The following TRPM3 variants were observed in gnomAD, a reference collection of about 807,000 sequenced individuals.
TRPM3 encodes transient receptor potential cation channel subfamily M member 3.
A neutral mutation model predicts 181.2 loss-of-function variants in TRPM3; 77 were observed. The observed-to-expected ratio is 0.42, with a 90% CI of 0.35 to 0.51. The LOEUF is 0.51. Ranked by LOEUF, TRPM3 falls within the 20% of genes least tolerant of loss-of-function variation. The pLI, the probability that TRPM3 is intolerant of heterozygous loss-of-function variation, is 0.01. For missense variants in TRPM3, 1,759 were observed against 2,196.7 expected (o/e 0.80, Z 3.98); for synonymous variants, 745 against 796.4 (o/e 0.94, Z 1.09).
At chr9:70,696,353 G>A (rs762251121) in intron 8 of TRPM3, among the ~76,000 whole-genome samples, 5 of 152,244 alleles carry the variant, frequency 3.3e-5, no homozygotes, top group South Asian at 4.1e-4. Context: ...TTTCCCATCC[G>A]GAGACCGATC....
chr9:71,198,538 T>C (rs1287148893), intron 1 of TRPM3, among the ~76,000 whole-genome samples: 4 of 152,132 alleles, frequency 2.6e-5, no homozygotes, highest in African/African-American at 9.7e-5. Context: ...TGTATCCTCT[T>C]TTATTTCATT....
intron 1 of TRPM3, among the ~76,000 whole-genome samples, chr9:71,287,934 G>C (rs1041952178): frequency 3.3e-5 from 5 of 151,946 alleles, no homozygotes; most frequent in African/African-American, 1.2e-4. Context: ...GATATTTACA[G>C]GTATTACAAA....
At chr9:70,818,196 A>G (rs1276886999) in intron 6 of TRPM3, among the ~76,000 whole-genome samples, 1 of 152,232 alleles carries the variant, frequency 6.6e-6, no homozygotes, top group Non-Finnish European at 1.5e-5. Flanking sequence ...GTCCAGGGAA[A>G]TGAAAGACAT....
intron 1 of TRPM3, among the ~76,000 whole-genome samples, chr9:71,362,828 T>C (rs936428145): frequency 2.0e-5 from 3 of 152,204 alleles, no homozygotes; most frequent in African/African-American, 7.2e-5. Context: ...AATGATTGCA[T>C]GTAATTTAGT....
chr9:71,277,383 T>C (rs775896837), intron 1 of TRPM3, among the ~76,000 whole-genome samples: 1 of 152,252 alleles, frequency 6.6e-6, no homozygotes, highest in Non-Finnish European at 1.5e-5. Flanking sequence ...TTGTTTACTG[T>C]GTTTTTCCCT....
chr9:70,640,494 G>A, intron 10 of TRPM3, 66 bp downstream of exon 10: 1 of 1,264,724 alleles, frequency 7.9e-7, no homozygotes, highest in South Asian at 1.3e-5. Context: ...GACCTCAGAG[G>A]CTCCTTAAAC....
intron 1 of TRPM3, among the ~76,000 whole-genome samples, chr9:71,306,400 G>GT (rs953336174): frequency 2.0e-5 from 3 of 151,930 alleles, no homozygotes; most frequent in African/African-American, 7.3e-5. Flanking sequence ...TAGGATCTTT[G>GT]TTTTTTCATT....
chr9:70,623,823 G>A (rs147329522), intron 14 of TRPM3, among the ~76,000 whole-genome samples: 1 of 152,152 alleles, frequency 6.6e-6, no homozygotes, highest in East Asian at 1.9e-4. Context: ...GGGTTGTCCT[G>A]AGGAAATGCA....
At chr9:71,064,654 G>T (rs910369520) in intron 1 of TRPM3, among the ~76,000 whole-genome samples, 1 of 152,064 alleles carries the variant, frequency 6.6e-6, no homozygotes, top group African/African-American at 2.4e-5. Context: ...TATTTAGGAG[G>T]AAAAGCATGT....
At chr9:71,386,645 A>G (rs998844772) in intron 1 of TRPM3, among the ~76,000 whole-genome samples, 1 of 152,162 alleles carries the variant, frequency 6.6e-6, no homozygotes, top group Admixed American at 6.5e-5. Context: ...TCATGCTGCA[A>G]TGGTAATCCC....
At chr9:71,044,743 C>T (rs573722116) in intron 1 of TRPM3, among the ~76,000 whole-genome samples, 3 of 152,126 alleles carry the variant, frequency 2.0e-5, no homozygotes, top group Non-Finnish European at 4.4e-5. Context: ...GCGGCCTCGG[C>T]TCACTGCAAC....
intron 1 of TRPM3, among the ~76,000 whole-genome samples, chr9:71,326,171 G>T (rs529132293): frequency 6.6e-6 from 1 of 152,282 alleles, no homozygotes; most frequent in East Asian, 1.9e-4. Context: ...AACATATGTA[G>T]TTATTGAACT....
intron 1 of TRPM3, among the ~76,000 whole-genome samples, chr9:71,040,800 T>C (rs1471394671): frequency 3.3e-5 from 5 of 152,066 alleles, no homozygotes; most frequent in African/African-American, 4.8e-5. Context: ...ATGGCACTTC[T>C]GGGGCAAAAA....
intron 1 of TRPM3, among the ~76,000 whole-genome samples, chr9:71,203,780 T>C (rs993929319): frequency 6.6e-5 from 10 of 152,192 alleles, no homozygotes; most frequent in Non-Finnish European, 4.4e-5. Context: ...TTGGCTGTCA[T>C]CATTCTTCCT....
intron 1 of TRPM3, among the ~76,000 whole-genome samples, chr9:70,939,685 A>G (rs1265464636): frequency 2.0e-5 from 3 of 152,248 alleles, no homozygotes; most frequent in Non-Finnish European, 4.4e-5. Flanking sequence ...AAGGAGAGAT[A>G]GCTCAATCTT....
At chr9:71,026,593 G>A (rs902095682) in intron 1 of TRPM3, among the ~76,000 whole-genome samples, 2 of 152,168 alleles carry the variant, frequency 1.3e-5, no homozygotes, top group African/African-American at 2.4e-5. Flanking sequence ...ACTGCTGGGC[G>A]TAAATGAACC....
At chr9:70,803,058 AACAAAG>A (rs2089648684) in intron 6 of TRPM3, among the ~76,000 whole-genome samples, 1 of 105,742 alleles carries the variant, frequency 9.5e-6, no homozygotes, top group East Asian at 2.0e-4. Flanking sequence ...AAAAAAAAAA[AACAAAG>A]GCCCAACTCC....
chr9:70,962,489 G>A (rs1267400521), intron 1 of TRPM3, among the ~76,000 whole-genome samples: 1 of 152,042 alleles, frequency 6.6e-6, no homozygotes, highest in Non-Finnish European at 1.5e-5. Context: ...GCTCTGCAAT[G>A]GGGATATTAT....
chr9:70,681,374 A>G, intron 9 of TRPM3, 132 bp downstream of exon 9: 1 of 702,030 alleles, frequency 1.4e-6, no homozygotes, highest in East Asian at 2.6e-5. Flanking sequence ...CTTACAGGAG[A>G]GACCCCTATG....
Sources: allele counts gnomAD v4.1 joint callset (sites outside exome capture counted in the v4.1 genomes callset), GRCh38; gene constraint gnomAD v4.1.1; transcripts MANE v1.5; gene names NCBI Gene and HGNC (gene_info 2026-07-23, HGNC 2026-07-21).